Variants in GFOD1 observed in about 807,000 individuals in gnomAD.
The protein encoded by GFOD1 is glucose-fructose oxidoreductase domain-containing protein 1.
GFOD1 carries 9 observed loss-of-function variants against 25.4 expected under a neutral mutation model. That is an observed-to-expected ratio of 0.35 (90% confidence interval 0.21 to 0.62). The LOEUF (loss-of-function observed/expected upper bound fraction) is 0.62. Among genes scored for constraint, GFOD1 ranks in the 20% least tolerant of loss-of-function variants. The probability of loss-of-function intolerance (pLI) is 0.72; values close to 1 mark genes in which losing one functional copy is unlikely to be tolerated. For synonymous variants in GFOD1, 253 were observed against 245.6 expected (o/e 1.03, Z -0.28); for missense variants, 403 against 556.9 (o/e 0.72, Z 2.78).
intron 1 of GFOD1, among the ~76,000 whole-genome samples, chr6:13,416,164 A>G (rs1426602991): frequency 6.6e-6 from 1 of 152,190 alleles, no homozygotes; most frequent in Non-Finnish European, 1.5e-5. Context: ...CCTTGTGAAG[A>G]AGGTCCTTGC....
At position 13,486,438 on chromosome 6, in the gene GFOD1, G is replaced by C. The variant is rs576789094; in HGVS notation, c.253+200C>G. The C allele has an allele frequency of 4.9e-4, 306 of 620,292 alleles. 2 individuals are homozygous for C. The East Asian group carries it at 8.0e-3, about 16-fold the overall frequency. The allele number at this position is 620,292 out of a possible 1,614,324, so 38.4% of individuals were successfully genotyped here. Reference sequence around the variant, plus strand: ...CGCGTCCAAGTGGTGCCAGGAGGCAGGAGGGAAGCGCAAAGGTGGGGAAGG... The same window carrying C: ...CGCGTCCAAGTGGTGCCAGGAGGCACGAGGGAAGCGCAAAGGTGGGGAAGG... On this transcript the variant is annotated intron_variant, in intron 1 of 1. Transcript: ENST00000379287.
chr6:13,420,739 C>A (rs16874138), intron 1 of GFOD1, among the ~76,000 whole-genome samples: 9,478 of 152,260 alleles, frequency 0.062, 373 homozygotes, highest in Middle Eastern at 0.12. Flanking sequence ...AATGGCTCTA[C>A]TTCAACAAAG....
chr6:13,477,547 T>C (rs967795197), intron 1 of GFOD1, among the ~76,000 whole-genome samples: 4 of 152,104 alleles, frequency 2.6e-5, no homozygotes, highest in Non-Finnish European at 5.9e-5. Context: ...GGTAAAGGTC[T>C]ACAAACCTAC....
intron 1 of GFOD1, among the ~76,000 whole-genome samples, chr6:13,480,891 T>C (rs762274112): frequency 6.6e-6 from 1 of 152,234 alleles, no homozygotes; most frequent in African/African-American, 2.4e-5. Flanking sequence ...TATGTGTTAA[T>C]TGACACATTC....
intron 1 of GFOD1, among the ~76,000 whole-genome samples, chr6:13,468,431 T>A (rs1049268200): frequency 6.6e-6 from 1 of 152,242 alleles, no homozygotes; most frequent in Admixed American, 6.5e-5. Context: ...TAATCACAAA[T>A]AAGGCTTCAC....
At chr6:13,399,054 A>C (rs1246365559) in intron 1 of GFOD1, among the ~76,000 whole-genome samples, 1 of 152,092 alleles carries the variant, frequency 6.6e-6, no homozygotes, top group African/African-American at 2.4e-5. Context: ...TCACTATGTT[A>C]CCCAGGCTGG....
intron 1 of GFOD1, among the ~76,000 whole-genome samples, chr6:13,480,304 CAG>C (rs1758719635): frequency 6.6e-6 from 1 of 152,188 alleles, no homozygotes; most frequent in Non-Finnish European, 1.5e-5. Flanking sequence ...GTCTCAAAAA[CAG>C]AGATCATGAA....
chr6:13,465,690 C>T lies in GFOD1; in HGVS notation c.253+20948G>A, dbSNP rs566902595. On this transcript the variant is annotated intron_variant, in intron 1 of 1. Transcript: ENST00000379287. ...ACTCATAGTCAAGCCTGAGAACCACCGTAACAAACCCCTTGTCTTAGAAGG... is the reference window on the plus strand; with the variant it reads ...ACTCATAGTCAAGCCTGAGAACCACTGTAACAAACCCCTTGTCTTAGAAGG... 1.6e-4 allele frequency among the ~76,000 whole-genome samples: 24 copies of T among 152,252 alleles called. 1 individual carries two copies. The highest frequency in any genetic ancestry group is 3.4e-3 in the Middle Eastern group (1 of 294).
At chr6:13,437,339 C>A (rs957086853) in intron 1 of GFOD1, among the ~76,000 whole-genome samples, 1 of 152,048 alleles carries the variant, frequency 6.6e-6, no homozygotes, top group African/African-American at 2.4e-5. Context: ...TGAGTAGGAC[C>A]CTCTTAACTC....
At chr6:13,409,725 TC>T (rs1269777413) in intron 1 of GFOD1, among the ~76,000 whole-genome samples, 1 of 151,990 alleles carries the variant, frequency 6.6e-6, no homozygotes, top group Non-Finnish European at 1.5e-5. Flanking sequence ...ATTGAGACCA[TC>T]CTAGCTAACA....
chr6:13,390,796 G>GAAGA (rs1785585094), intron 1 of GFOD1, among the ~76,000 whole-genome samples: 1 of 149,664 alleles, frequency 6.7e-6, no homozygotes, highest in Non-Finnish European at 1.5e-5. Flanking sequence ...AGGAAGGAAG[G>GAAGA]AAGGAAGGAA....
intron 1 of GFOD1, among the ~76,000 whole-genome samples, chr6:13,425,053 G>T (rs1202749281): frequency 6.7e-6 from 1 of 150,010 alleles, no homozygotes; most frequent in East Asian, 1.9e-4. Flanking sequence ...TGACCTCCTG[G>T]GCTCAAGCTA....
In GFOD1 at chr6:13,357,968, C is replaced by T. The variant is rs763102439; in HGVS notation, c.*6775G>A. Reference sequence around the variant, plus strand: ...GATGCTGACCGCTGGCTCCGAGCATCGAGCATCGCAGAGATCACAACGGGC... The same window carrying T: ...GATGCTGACCGCTGGCTCCGAGCATTGAGCATCGCAGAGATCACAACGGGC... On this transcript the variant is annotated 3_prime_UTR_variant, in exon 2 of 2. Transcript: ENST00000379287. The T allele has an allele frequency of 2.0e-5, 3 of 152,414 alleles. No homozygotes were observed. The highest frequency in any genetic ancestry group is 4.4e-5 in the Non-Finnish European group (3 of 68,052). The allele number at this position is 152,414 out of a possible 1,614,324, so 9.4% of individuals were successfully genotyped here.
chr6:13,442,446 T>G (rs1422937676), intron 1 of GFOD1, among the ~76,000 whole-genome samples: 1 of 152,218 alleles, frequency 6.6e-6, no homozygotes, highest in Non-Finnish European at 1.5e-5. Flanking sequence ...TGAAACATAG[T>G]GATCTAAGCA....
At chr6:13,382,057 C>A (rs1785376735) in intron 1 of GFOD1, among the ~76,000 whole-genome samples, 1 of 152,018 alleles carries the variant, frequency 6.6e-6, no homozygotes, top group Non-Finnish European at 1.5e-5. Flanking sequence ...ATTGTCCTTC[C>A]AATTTCACAC....
intron 1 of GFOD1, among the ~76,000 whole-genome samples, chr6:13,447,475 G>A (rs1008653106): frequency 2.0e-5 from 3 of 151,984 alleles, no homozygotes; most frequent in Non-Finnish European, 4.4e-5. Context: ...AGTGGCTCAC[G>A]CCTGTAATTC....
intron 1 of GFOD1, among the ~76,000 whole-genome samples, chr6:13,404,309 C>T (rs989931544): frequency 6.6e-6 from 1 of 152,150 alleles, no homozygotes; most frequent in Non-Finnish European, 1.5e-5. Context: ...TTAGTCCAGC[C>T]CCTTCTTAGA....
At chr6:13,448,921 G>C (rs1758050171) in intron 1 of GFOD1, among the ~76,000 whole-genome samples, 3 of 152,178 alleles carry the variant, frequency 2.0e-5, no homozygotes, top group Admixed American at 1.3e-4. Flanking sequence ...CTGGAATACA[G>C]AGAGGTGGAA....
At position 13,402,534 on chromosome 6, in the gene GFOD1, C is replaced by A. The variant is rs1261822351; in HGVS notation, c.254-36872G>T. ...TGAGAAAGGATCTAAATGGACATTT[C>A]TCCAAAGAGGGCATATAAATGGCCA... On this transcript the variant is annotated intron_variant, in intron 1 of 1. Transcript: ENST00000379287. Among the ~76,000 whole-genome samples the A allele has an allele frequency of 2.0e-5, 3 of 152,182 alleles. No homozygotes were observed. The East Asian group carries it at 5.8e-4, about 29-fold the overall frequency.
Sources: gnomAD v4.1 joint callset for allele counts (sites outside exome capture counted in the v4.1 genomes callset) on GRCh38, gnomAD v4.1.1 for gene constraint, MANE v1.5 for transcripts, NCBI Gene and HGNC (gene_info 2026-07-23, HGNC 2026-07-21) for gene names.